Variants in ATG14 observed in about 807,000 individuals in gnomAD.
The protein encoded by ATG14 is autophagy related 14, also known as beclin 1-associated autophagy-related key regulator.
ATG14 carries 35 observed loss-of-function variants against 60.4 expected under a neutral mutation model. The ratio of observed to expected loss-of-function variants is 0.58; its 90% confidence interval spans 0.44 to 0.77. ATG14 has a LOEUF of 0.77. Among genes scored for constraint, ATG14 ranks in the 30% least tolerant of loss-of-function variants. The pLI is 0.00. For missense variants in ATG14, 647 were observed against 626.3 expected, an observed-to-expected ratio of 1.03 and a Z score of -0.35; for synonymous variants, 234 against 228.8, an observed-to-expected ratio of 1.02 and a Z score of -0.21.
At chr14:55,409,903 A>C (rs551260659) in intron 1 of ATG14, among the ~76,000 whole-genome samples, 55 of 152,358 alleles carry the variant, frequency 3.6e-4, no homozygotes, top group South Asian at 2.3e-3. Context: ...GAGACATAAG[A>C]GGAAATAAGT....
chr14:55,394,695 T>A (rs897938367), intron 3 of ATG14, among the ~76,000 whole-genome samples: 2 of 152,152 alleles, frequency 1.3e-5, no homozygotes, highest in Non-Finnish European at 2.9e-5. Context: ...AAGGAGCAGT[T>A]TTCTTTAGGA....
At chr14:55,371,246 C>T (rs1266087160) in intron 9 of ATG14, among the ~76,000 whole-genome samples, 5 of 152,084 alleles carry the variant, frequency 3.3e-5, no homozygotes, top group African/African-American at 1.2e-4. Flanking sequence ...GCCATTTCAG[C>T]CTATGGTCCC....
intron 1 of ATG14, 38 bp from the exon 2 acceptor site, chr14:55,397,472 A>AT (rs757941142): frequency 2.8e-5 from 42 of 1,515,958 alleles, no homozygotes; most frequent in South Asian, 7.9e-5. Flanking sequence ...TTAAATGGTC[A>AT]TTTTTTCAGT....
intron 9 of ATG14, among the ~76,000 whole-genome samples, chr14:55,372,267 C>T (rs1051603472): frequency 2.6e-5 from 4 of 151,282 alleles, no homozygotes; most frequent in African/African-American, 9.7e-5. Flanking sequence ...TCACCCTGGC[C>T]CAGGTCCTCA....
chr14:55,407,409 G>A (rs1030127973), intron 1 of ATG14, among the ~76,000 whole-genome samples: 2 of 151,832 alleles, frequency 1.3e-5, no homozygotes, highest in African/African-American at 4.8e-5. Context: ...GATTACAGGC[G>A]TGAGCCACTG....
At chr14:55,380,114 C>A (rs1419756859) in intron 7 of ATG14, among the ~76,000 whole-genome samples, 3 of 151,836 alleles carry the variant, frequency 2.0e-5, no homozygotes, top group African/African-American at 4.8e-5. Context: ...CAGGCGTGGT[C>A]GTGGGTGCCT....
intron 1 of ATG14, among the ~76,000 whole-genome samples, chr14:55,403,268 C>T (rs1212328265): frequency 6.6e-6 from 1 of 151,972 alleles, no homozygotes; most frequent in African/African-American, 2.4e-5. Context: ...CTTTCCATTT[C>T]TTCACTGCAA....
rs531698350 is a variant in ATG14, at chr14:55,397,575, C to T, written c.222-141G>A. On this transcript the variant is annotated intron_variant, in intron 1 of 9. Coordinates refer to ENST00000247178, the MANE Select transcript of ATG14 (RefSeq NM_014924.5). Reference sequence around the variant, plus strand: ...TGATAGTAAATACACGTCTTCTCAACGGGGTGCACACAACTGCTAACCATT... The same window carrying T: ...TGATAGTAAATACACGTCTTCTCAATGGGGTGCACACAACTGCTAACCATT... The T allele has an allele frequency of 8.6e-4, 584 of 681,196 alleles. 5 individuals are homozygous for T. The highest frequency in any genetic ancestry group is 8.5e-5 in the Non-Finnish European group (33 of 389,148). The allele number at this position is 681,196 out of a possible 1,614,324, so 42.2% of individuals were successfully genotyped here.
At chr14:55,393,605 G>T (rs1327841239) in intron 3 of ATG14, among the ~76,000 whole-genome samples, 1 of 151,044 alleles carries the variant, frequency 6.6e-6, no homozygotes, top group African/African-American at 2.4e-5. Context: ...GAGTATGGTG[G>T]TGTGATTACA....
Position 55,377,874 on chromosome 14 carries a change from G to A in ATG14, c.1117C>T (p.His373Tyr), listed in dbSNP as rs1030902593. 4.4e-6 allele frequency: 7 copies of A among 1,606,908 alleles called. No homozygotes were observed. The South Asian group carries it at 5.6e-5, about 13-fold the overall frequency. The change falls in exon 9 of 10, where the codon CAT (histidine) becomes TAT (tyrosine). Residue 373 changes from histidine to tyrosine, a missense_variant. Physicochemically the swap from His to Tyr is moderately conservative, Grantham distance 83 (BLOSUM62 2). Transcript: ENST00000247178. ...HVNLDQLQPL[H>Y]TLRNLMYLVS... ...AGGTACATTAGATTCCTGAGGGTAT[G>A]CAGTGGTTGTAATTGATCTAAATTT...
At position 55,384,213 on chromosome 14, in the gene ATG14, A is replaced by G. The variant is rs368250445; in HGVS notation, c.647+1646T>C. Among the ~76,000 whole-genome samples, 50 of 152,364 alleles carry G rather than the reference A, an allele frequency of 3.3e-4. 1 individual carries two copies. Among genetic ancestry groups the G allele is most frequent in the African/African-American group, 1.2e-3 (50 of 41,584 alleles). On this transcript the variant is annotated intron_variant, in intron 5 of 9. Transcript: ENST00000247178. ...AATAACATACACTAAATAAAAGATT[A>G]AAACAGCACAGAAATAGTTTTTCTT...
At chr14:55,376,199 G>A (rs776778218) in intron 9 of ATG14, among the ~76,000 whole-genome samples, 1 of 152,208 alleles carries the variant, frequency 6.6e-6, no homozygotes, top group Non-Finnish European at 1.5e-5. Flanking sequence ...CTAAGCGTCA[G>A]TTTCTCCTGT....
At chr14:55,400,566 A>G (rs1298474951) in intron 1 of ATG14, among the ~76,000 whole-genome samples, 2 of 152,232 alleles carry the variant, frequency 1.3e-5, no homozygotes, top group Non-Finnish European at 1.5e-5. Context: ...AGCCTAGTGC[A>G]CTTTTATAGG....
chr14:55,391,068 C>T, intron 3 of ATG14, 76 bp from the exon 4 acceptor site: 1 of 951,794 alleles, frequency 1.1e-6, no homozygotes, highest in Non-Finnish European at 1.6e-6. Context: ...GGGATCACTG[C>T]TTATTTTCAG....
intron 9 of ATG14, among the ~76,000 whole-genome samples, chr14:55,376,018 T>C (rs1884913653): frequency 6.6e-6 from 1 of 152,232 alleles, no homozygotes; most frequent in Admixed American, 6.5e-5. Flanking sequence ...TTGGCATCTA[T>C]CAGGTCGATC....
In ATG14 at chr14:55,410,127, G is replaced by A. The variant is rs118015339; in HGVS notation, c.221+1475C>T. ...GAACAATGAGATTGACATTTACTGG[G>A]TTGGGATGAGCATGGGAAAACAGAT... is the stretch of plus-strand genomic sequence containing the variant. On this transcript the variant is annotated intron_variant, in intron 1 of 9. Transcript: ENST00000247178. Among the ~76,000 whole-genome samples the A allele has an allele frequency of 3.8e-3, 579 of 152,296 alleles. 4 individuals are homozygous for A. The highest frequency in any genetic ancestry group is 7.8e-3 in the Admixed American group (119 of 15,294).
At chr14:55,375,971 T>C (rs1396477199) in intron 9 of ATG14, among the ~76,000 whole-genome samples, 1 of 152,224 alleles carries the variant, frequency 6.6e-6, no homozygotes, top group Non-Finnish European at 1.5e-5. Context: ...TTTTCCCCCC[T>C]AATTATTAAT....
rs1885575972 is a variant in ATG14 at position 55,411,677 on chromosome 14, G to T, written c.146C>A (p.Thr49Asn). Residue 49 changes from threonine (T) to asparagine (N), a missense_variant, in exon 1 of 10, where the codon ACC (threonine) becomes AAC (asparagine). Coordinates refer to ENST00000247178, the MANE Select transcript of ATG14 (RefSeq NM_014924.5). ...TTTGGCGCAGGTCAGCCGCCGGCGG[G>T]TAGTGTTGCACAGCGGGCAGCGCTC... ...AVERCPLCNT[T>N]RRRLTCAKCV... The T allele has an allele frequency of 6.2e-7, 1 of 1,613,290 alleles. No homozygotes were observed. The highest frequency in any genetic ancestry group is 8.5e-7 in the Non-Finnish European group (1 of 1,179,868).
At chr14:55,388,706 A>T (rs1055838292) in intron 4 of ATG14, among the ~76,000 whole-genome samples, 2 of 152,216 alleles carry the variant, frequency 1.3e-5, no homozygotes, top group African/African-American at 4.8e-5. Context: ...CAAGCTCTTA[A>T]GCATGAGTCC....
Sources: allele counts gnomAD v4.1 joint callset (sites outside exome capture counted in the v4.1 genomes callset), GRCh38; gene constraint gnomAD v4.1.1; transcripts MANE v1.5; gene names NCBI Gene and HGNC (gene_info 2026-07-23, HGNC 2026-07-21).